KATNAL2: variants seen among roughly 807,000 people sequenced by gnomAD.
KATNAL2 encodes the protein katanin p60 ATPase-containing subunit A-like 2.
KATNAL2 carries 52 observed loss-of-function variants against 76.3 expected under a neutral mutation model. That is an observed-to-expected ratio of 0.68 (90% CI 0.55 to 0.86). KATNAL2 has a LOEUF of 0.86. Among genes scored for constraint, KATNAL2 ranks in the 40% least tolerant of loss-of-function variants. KATNAL2 has a pLI of 0.00. For missense variants in KATNAL2, 660 were observed against 668.9 expected (o/e 0.99, Z 0.15); for synonymous variants, 243 against 244.2 (o/e 1.00, Z 0.05).
chr18:46,937,529 T>C (rs2059128333), intron 1 of KATNAL2, among the ~76,000 whole-genome samples: 1 of 151,936 alleles, frequency 6.6e-6, no homozygotes, highest in Admixed American at 6.6e-5. Context: ...TTAATAATAA[T>C]GTATCAATGT....
intron 4 of KATNAL2, among the ~76,000 whole-genome samples, chr18:47,050,825 A>G (rs183428086): frequency 3.7e-4 from 56 of 152,340 alleles, no homozygotes; most frequent in African/African-American, 1.3e-3. Context: ...CGTGAGCTGG[A>G]CTTAAAAGAT....
chr18:47,098,668 GTGTC>G (rs996595473), intron 15 of KATNAL2: 36 of 155,018 alleles, frequency 2.3e-4, no homozygotes, highest in Middle Eastern at 6.7e-3. Flanking sequence ...GTAAAAGTGA[GTGTC>G]TGAAAGGGCG....
chr18:47,045,922 T>C (rs887282640), intron 3 of KATNAL2, among the ~76,000 whole-genome samples: 1 of 152,216 alleles, frequency 6.6e-6, no homozygotes, highest in African/African-American at 2.4e-5. Flanking sequence ...AGTTGTCCTT[T>C]TATGGCCTCT....
intron 1 of KATNAL2, among the ~76,000 whole-genome samples, chr18:46,937,513 C>T (rs929663262): frequency 5.9e-5 from 9 of 151,702 alleles, no homozygotes; most frequent in African/African-American, 2.2e-4. Context: ...AAAGTATGGG[C>T]TTTAGTTAAT....
At chr18:47,078,565 T>C (rs1188269570) in intron 15 of KATNAL2, among the ~76,000 whole-genome samples, 1 of 152,164 alleles carries the variant, frequency 6.6e-6, no homozygotes, top group Non-Finnish European at 1.5e-5. Flanking sequence ...TCTTCTTTCC[T>C]TCAAAGGTTT....
chr18:47,091,787 G>C (rs2063011491), intron 15 of KATNAL2, among the ~76,000 whole-genome samples: 1 of 152,176 alleles, frequency 6.6e-6, no homozygotes, highest in Non-Finnish European at 1.5e-5. Flanking sequence ...CTTTAGACAG[G>C]AAGTCACTCT....
chr18:47,099,161 G>A, intron 15 of KATNAL2, 82 bp from the exon 16 acceptor site: 1 of 1,406,332 alleles, frequency 7.1e-7, no homozygotes, highest in South Asian at 1.4e-5. Context: ...TTCCTGCAAT[G>A]CTAAATTGTT....
chr18:47,035,302 C>A (rs200615274), intron 3 of KATNAL2: 2 of 1,611,512 alleles, frequency 1.2e-6, no homozygotes, highest in Admixed American at 1.7e-5. Flanking sequence ...TCCCGGCGGT[C>A]GCAGCTCTGT....
chr18:46,953,374 T>C (rs2059625384), intron 3 of KATNAL2, among the ~76,000 whole-genome samples: 1 of 152,204 alleles, frequency 6.6e-6, no homozygotes, highest in Non-Finnish European at 1.5e-5. Flanking sequence ...GCATAGTGGC[T>C]CACACCACTA....
intron 1 of KATNAL2, among the ~76,000 whole-genome samples, chr18:46,924,646 G>T (rs1024890897): frequency 6.6e-6 from 1 of 152,126 alleles, no homozygotes; most frequent in Non-Finnish European, 1.5e-5. Context: ...GGAAGGCATT[G>T]AATCTATAAA....
chr18:47,038,628 C>G (rs1306567169), intron 3 of KATNAL2, among the ~76,000 whole-genome samples: 2 of 152,142 alleles, frequency 1.3e-5, no homozygotes, highest in Non-Finnish European at 2.9e-5. Context: ...AACTTACATT[C>G]CCACCAATTG....
In KATNAL2 at chr18:47,067,102, G is replaced by A. The variant is rs766249827; in HGVS notation, c.808G>A (p.Val270Ile). 1.9e-6 allele frequency: 3 copies of A among 1,574,020 alleles called. No homozygotes were observed. Among genetic ancestry groups the A allele is most frequent in the Non-Finnish European group, 8.7e-7 (1 of 1,151,902 alleles). Residue 270 changes from valine (V) to isoleucine (I), a missense_variant, in exon 11 of 18, where the codon GTT (valine) becomes ATT (isoleucine). Val to Ile is a conservative substitution (Grantham distance 29). Transcript: ENST00000683218. ...AGCCAAGCAGTTAGTCAAAGAAGCTGTTGTGTATCCTATAAGGGTAAGGAC... is the reference window on the plus strand; with the variant it reads ...AGCCAAGCAGTTAGTCAAAGAAGCTATTGTGTATCCTATAAGGGTAAGGAC... ...DAAKQLVKEA[V>I]VYPIRYPQLF...
Position 47,100,247 on chromosome 18 carries a change from G to A in KATNAL2, c.1375-7G>A, listed in dbSNP as rs773341139. 17 of 1,612,320 alleles carry A rather than the reference G, an allele frequency of 1.1e-5. No homozygotes were observed. In the Admixed American group the frequency reaches 2.8e-4, roughly 27 times the overall value. ...CTGACCAATGGCTGGTTTTTTGGCT[G>A]TTTCAGGAGACTGAGGGCTACTCAG... is the stretch of plus-strand genomic sequence containing the variant. On this transcript the variant is annotated splice_polypyrimidine_tract_variant and splice_region_variant and intron_variant, in intron 16 of 17. Transcript: ENST00000683218.
At chr18:47,065,330 C>A (rs1297790562) in intron 10 of KATNAL2, among the ~76,000 whole-genome samples, 1 of 151,854 alleles carries the variant, frequency 6.6e-6, no homozygotes, top group Admixed American at 6.6e-5. Flanking sequence ...GAGTTGGAGA[C>A]CAGCCTGGGC....
intron 1 of KATNAL2, among the ~76,000 whole-genome samples, chr18:46,932,191 G>A (rs1295854906): frequency 2.6e-5 from 4 of 152,210 alleles, no homozygotes; most frequent in East Asian, 1.9e-4. Flanking sequence ...GATTACAGGC[G>A]TGAGCCACCA....
At chr18:47,089,873 A>G (rs750642541) in intron 15 of KATNAL2, among the ~76,000 whole-genome samples, 1 of 152,214 alleles carries the variant, frequency 6.6e-6, no homozygotes, top group Non-Finnish European at 1.5e-5. Flanking sequence ...GTAGCCCTGC[A>G]CCTAAAGGTC....
At chr18:47,083,742 AAC>A (rs2062638808) in intron 15 of KATNAL2, among the ~76,000 whole-genome samples, 1 of 152,212 alleles carries the variant, frequency 6.6e-6, no homozygotes, top group African/African-American at 2.4e-5. Flanking sequence ...AAATTTAGTA[AAC>A]ACAGTTAGAA....
intron 15 of KATNAL2, among the ~76,000 whole-genome samples, chr18:47,095,251 GTTAAT>G (rs529057444): frequency 6.6e-6 from 1 of 152,312 alleles, no homozygotes; most frequent in African/African-American, 2.4e-5. Flanking sequence ...TGCAGTCTTA[GTTAAT>G]TTAAAGTTCA....
intron 3 of KATNAL2, among the ~76,000 whole-genome samples, chr18:47,025,106 C>A (rs1342788210): frequency 2.1e-5 from 2 of 94,688 alleles, no homozygotes; most frequent in African/African-American, 4.9e-5. Flanking sequence ...CTCCCCCCCC[C>A]ACCCCGCCCC....
Sources: allele counts gnomAD v4.1 joint callset (sites outside exome capture counted in the v4.1 genomes callset), GRCh38; gene constraint gnomAD v4.1.1; transcripts MANE v1.5; gene names NCBI Gene and HGNC (gene_info 2026-07-23, HGNC 2026-07-21).